ZMAT4: variants seen among roughly 807,000 people sequenced by gnomAD.
The protein encoded by ZMAT4 is zinc finger matrin-type protein 4.
ZMAT4 carries 17 observed loss-of-function variants against 28.7 expected under a neutral mutation model. The observed-to-expected ratio is 0.59, with a 90% CI of 0.41 to 0.89. The LOEUF (loss-of-function observed/expected upper bound fraction) is 0.89. Among genes scored for constraint, ZMAT4 ranks in the 40% least tolerant of loss-of-function variants. The pLI is 0.00. For missense variants in ZMAT4, 240 were observed against 283.8 expected, an observed-to-expected ratio of 0.85 and a Z score of 1.11; for synonymous variants, 117 against 109.2, an observed-to-expected ratio of 1.07 and a Z score of -0.44.
At chr8:40,716,347 A>C (rs1810854044) in intron 3 of ZMAT4, among the ~76,000 whole-genome samples, 2 of 152,156 alleles carry the variant, frequency 1.3e-5, no homozygotes, top group African/African-American at 4.8e-5. Flanking sequence ...GAATGCCACA[A>C]ATCCACTACA....
At chr8:40,707,922 C>T (rs980427778) in intron 3 of ZMAT4, among the ~76,000 whole-genome samples, 1 of 151,982 alleles carries the variant, frequency 6.6e-6, no homozygotes, top group African/African-American at 2.4e-5. Context: ...ATGAAAACTA[C>T]GTACATACAA....
intron 3 of ZMAT4, among the ~76,000 whole-genome samples, chr8:40,741,270 C>G (rs769436184): frequency 3.3e-5 from 5 of 151,952 alleles, no homozygotes; most frequent in Non-Finnish European, 7.4e-5. Context: ...CATGGCGAAA[C>G]TCCATCTCTA....
At chr8:40,874,767 G>A (rs1300725856) in intron 1 of ZMAT4, among the ~76,000 whole-genome samples, 2 of 152,170 alleles carry the variant, frequency 1.3e-5, no homozygotes, top group African/African-American at 4.8e-5. Context: ...CTGAACAGTG[G>A]CCCAAGCCCT....
intron 3 of ZMAT4, among the ~76,000 whole-genome samples, chr8:40,719,655 C>T (rs145236394): frequency 3.4e-4 from 51 of 151,982 alleles, no homozygotes; most frequent in African/African-American, 9.7e-4. Flanking sequence ...CTGCAACCTC[C>T]GCCTCCTGGG....
chr8:40,730,809 G>A (rs981112286), intron 3 of ZMAT4, among the ~76,000 whole-genome samples: 2 of 152,304 alleles, frequency 1.3e-5, no homozygotes, highest in Non-Finnish European at 2.9e-5. Context: ...CATCAAGAAA[G>A]CAGTCACACT....
intron 5 of ZMAT4, among the ~76,000 whole-genome samples, chr8:40,650,962 C>A (rs1278169534): frequency 6.0e-5 from 9 of 150,428 alleles, no homozygotes; most frequent in Non-Finnish European, 1.3e-4. Context: ...AAACCCACAG[C>A]CAATATCATA....
At chr8:40,840,251 C>T (rs879580060) in intron 1 of ZMAT4, among the ~76,000 whole-genome samples, 35 of 152,300 alleles carry the variant, frequency 2.3e-4, no homozygotes, top group Admixed American at 1.3e-3. Flanking sequence ...GCACCCATGG[C>T]TACTAACTGA....
intron 2 of ZMAT4, among the ~76,000 whole-genome samples, chr8:40,818,546 C>G (rs879587890): frequency 4.6e-5 from 7 of 152,208 alleles, no homozygotes; most frequent in Non-Finnish European, 1.0e-4. Flanking sequence ...GATGCCAAGA[C>G]GTTCAAAAAT....
At chr8:40,697,433 G>C (rs781676567) in intron 3 of ZMAT4, 32 bp from the exon 4 acceptor site, 2 of 1,488,522 alleles carry the variant, frequency 1.3e-6, no homozygotes, top group East Asian at 2.4e-5. Flanking sequence ...CCACGTGTGA[G>C]AGAAACCCAT....
chr8:40,613,180 C>CTTTCTTTTTTTTTTTTTTTTTT (rs71224837), intron 5 of ZMAT4, among the ~76,000 whole-genome samples: 1 of 79,968 alleles, frequency 1.3e-5, no homozygotes, highest in African/African-American at 4.9e-5. Flanking sequence ...TACTTTCTTT[C>CTTTCTTTTTTTTTTTTTTTTTT]TTTTTTTTTT....
Position 40,840,499 on chromosome 8 carries a change from C to T in ZMAT4, c.-4-14819G>A, listed in dbSNP as rs116707000. The stretch of plus-strand genomic sequence containing the variant: ...CTGCAAAGTCTCTTCCCTGGCAAAC[C>T]CTGACTGTGGCATTTCTTCTCACTC... On this transcript the variant is annotated intron_variant, in intron 1 of 6. Transcript: ENST00000297737. Among the ~76,000 whole-genome samples the T allele has an allele frequency of 9.8e-3, 1,488 of 152,268 alleles. 25 individuals are homozygous for T. The highest frequency in any genetic ancestry group is 0.034 in the African/African-American group (1,413 of 41,544).
chr8:40,602,642 A>C (rs1267720836), intron 5 of ZMAT4, among the ~76,000 whole-genome samples: 1 of 151,902 alleles, frequency 6.6e-6, no homozygotes, highest in African/African-American at 2.4e-5. Context: ...AGCATTTTTC[A>C]TATGTTTTTT....
At chr8:40,693,938 T>G (rs1484974802) in intron 4 of ZMAT4, among the ~76,000 whole-genome samples, 2 of 152,102 alleles carry the variant, frequency 1.3e-5, no homozygotes, top group East Asian at 3.9e-4. Context: ...TGAGTTGTGG[T>G]TCAATTATTC....
intron 4 of ZMAT4, among the ~76,000 whole-genome samples, chr8:40,675,684 G>A (rs1808879991): frequency 6.6e-6 from 1 of 152,154 alleles, no homozygotes; most frequent in Non-Finnish European, 1.5e-5. Context: ...AATAAATAAA[G>A]GATTTGGCTA....
In ZMAT4 at chr8:40,782,393, G is replaced by GCAAA. The variant is rs397695690; in HGVS notation, c.103-14667_103-14664dup. ...GAGCAAGACTCCGTCTCGAAAACAAGCAAACAAACAAACAAACAAACAAAC... is the reference window on the plus strand; with the variant it reads ...GAGCAAGACTCCGTCTCGAAAACAAGCAAACAAACAAACAAACAAACAAACAAAC... On this transcript the variant is annotated intron_variant, in intron 2 of 6. Transcript: ENST00000297737. Among the ~76,000 whole-genome samples, 155 of 145,150 alleles carry GCAAA rather than the reference G, an allele frequency of 1.1e-3. 1 individual carries two copies. The highest frequency in any genetic ancestry group is 2.8e-3 in the African/African-American group (115 of 40,856).
intron 2 of ZMAT4, among the ~76,000 whole-genome samples, chr8:40,811,957 C>A (rs1018968712): frequency 1.3e-5 from 2 of 152,012 alleles, no homozygotes; most frequent in Non-Finnish European, 2.9e-5. Context: ...ATGATGAAAT[C>A]CCGTCTCTAC....
chr8:40,742,042 C>A (rs1267473133), intron 3 of ZMAT4, among the ~76,000 whole-genome samples: 2 of 151,096 alleles, frequency 1.3e-5, no homozygotes, highest in African/African-American at 4.9e-5. Context: ...AGTTTGAGAC[C>A]AGCCTGGACA....
chr8:40,668,951 A>G (rs542431260), intron 5 of ZMAT4, among the ~76,000 whole-genome samples: 1 of 152,194 alleles, frequency 6.6e-6, no homozygotes, highest in South Asian at 2.1e-4. Context: ...GAAGGTGTCA[A>G]AGTGGTTTAC....
chr8:40,801,527 G>A (rs2150587546), intron 2 of ZMAT4, among the ~76,000 whole-genome samples: 1 of 151,690 alleles, frequency 6.6e-6, no homozygotes, highest in East Asian at 1.9e-4. Flanking sequence ...AAAATTAACT[G>A]GGTGAGGTGG....
Sources: allele counts gnomAD v4.1 joint callset (sites outside exome capture counted in the v4.1 genomes callset), GRCh38; gene constraint gnomAD v4.1.1; transcripts MANE v1.5; gene names NCBI Gene and HGNC (gene_info 2026-07-23, HGNC 2026-07-21).